The following USP30 variants were observed in gnomAD, a reference collection of about 807,000 sequenced individuals.
The protein encoded by USP30 is ubiquitin specific peptidase 30, also known as ubiquitin carboxyl-terminal hydrolase 30.
A neutral mutation model predicts 68.2 loss-of-function variants in USP30; 41 were observed. The ratio of observed to expected loss-of-function variants is 0.60; its 90% CI spans 0.47 to 0.78. USP30 has a LOEUF of 0.78. Ranked by LOEUF, USP30 falls within the 30% of genes least tolerant of loss-of-function variation. The probability of loss-of-function intolerance (pLI) is 0.00; values close to 1 mark genes in which losing one functional copy is unlikely to be tolerated. For synonymous variants in USP30, 229 were observed against 253.7 expected (o/e 0.90, Z 0.93); for missense variants, 522 against 649.4 (o/e 0.80, Z 2.13).
rs1284633681 is a variant in USP30 at position 109,056,809 on chromosome 12, G to A, written c.193+18G>A. ...TAGAAAAGGTAAGAATGAGAACACT[G>A]CATCATGGTCTGTAGACTTGACCCA... On this transcript the variant is annotated intron_variant, in intron 2 of 12. Transcript: ENST00000257548. The A allele has an allele frequency of 1.9e-6, 3 of 1,567,694 alleles. No individual in the cohort carries two copies. The highest frequency in any genetic ancestry group is 1.7e-5 in the Admixed American group (1 of 57,518).
chr12:109,055,398 A>ATTTTTTTTTT (rs1414168662), intron 1 of USP30, among the ~76,000 whole-genome samples: 2 of 30,356 alleles, frequency 6.6e-5, no homozygotes, highest in Non-Finnish European at 6.9e-5. Flanking sequence ...ATATATATAT[A>ATTTTTTTTTT]TATTTTTTTT....
At chr12:109,051,756 G>A (rs1254248705), upstream of USP30, among the ~76,000 whole-genome samples, 1 of 151,834 alleles carries the variant, frequency 6.6e-6, no homozygotes, top group Non-Finnish European at 1.5e-5. Context: ...TTTTAGTAGA[G>A]ATGGGGTTTC....
chr12:109,033,111 A>G (rs1281275533), intron 3 of USP30, among the ~76,000 whole-genome samples: 1 of 152,194 alleles, frequency 6.6e-6, no homozygotes, highest in Non-Finnish European at 1.5e-5. Context: ...AAGCCCATGG[A>G]CTTAAATTCA....
At chr12:109,055,400 A>ATTTT (rs869090869) in intron 1 of USP30, among the ~76,000 whole-genome samples, 68 of 24,462 alleles carry the variant, frequency 2.8e-3, no homozygotes, top group Non-Finnish European at 4.5e-3. Context: ...ATATATATAT[A>ATTTT]TTTTTTTTTT....
intron 1 of USP30, among the ~76,000 whole-genome samples, chr12:109,024,162 G>A (rs2040427600): frequency 6.6e-6 from 1 of 152,104 alleles, no homozygotes; most frequent in South Asian, 2.1e-4. Flanking sequence ...TACTTCATAG[G>A]GTGGTGGTCA....
At chr12:109,083,132 C>T (rs2135829299) in intron 11 of USP30, 70 bp downstream of exon 11, 6 of 1,455,218 alleles carry the variant, frequency 4.1e-6, no homozygotes, top group Non-Finnish European at 5.6e-6. Flanking sequence ...GCATCACCAC[C>T]TTCTGGGTCC....
intron 1 of USP30, among the ~76,000 whole-genome samples, chr12:109,024,495 C>A (rs1252753938): frequency 6.6e-6 from 1 of 151,896 alleles, no homozygotes; most frequent in Non-Finnish European, 1.5e-5. Flanking sequence ...TGAGCTCAAG[C>A]AATCAACCTG....
intron 3 of USP30, among the ~76,000 whole-genome samples, chr12:109,065,502 G>T (rs2041219274): frequency 6.6e-6 from 1 of 152,250 alleles, no homozygotes; most frequent in Admixed American, 6.5e-5. Context: ...CCAGGAAATG[G>T]TGATCAGTGC....
chr12:109,062,580 G>A (rs1008305052), intron 3 of USP30, among the ~76,000 whole-genome samples: 1 of 151,236 alleles, frequency 6.6e-6, no homozygotes, highest in Admixed American at 6.6e-5. Context: ...CGCCCGCCTT[G>A]GCCTCCCAAA....
At chr12:109,046,431 C>CAA (rs2040606300) in intron 3 of USP30, among the ~76,000 whole-genome samples, 2 of 135,366 alleles carry the variant, frequency 1.5e-5, no homozygotes, top group South Asian at 4.8e-4. Flanking sequence ...TTTTTTTTTT[C>CAA]TTCCTCTTCA....
At position 109,079,351 on chromosome 12, in the gene USP30, C is replaced by CTTT. The variant is rs71079521; in HGVS notation, c.721-1957_721-1955dup. Among the ~76,000 whole-genome samples, 15 of 48,796 alleles carry CTTT rather than the reference C, an allele frequency of 3.1e-4. 2 individuals carry two copies. The highest frequency in any genetic ancestry group is 1.0e-3 in the African/African-American group (12 of 11,838). The allele number at this position is 48,796 out of a possible 152,430, so 32.0% of individuals were successfully genotyped here. ...TTCTTTTCTTTTTCTTTTTTTTTTTCTTTTTTTTTTTTTTTTTTTTTTTTT... is the reference window on the plus strand; with the variant it reads ...TTCTTTTCTTTTTCTTTTTTTTTTTCTTTTTTTTTTTTTTTTTTTTTTTTTTTT... On this transcript the variant is annotated intron_variant, in intron 7 of 12. Transcript: ENST00000257548.
At chr12:109,082,463 C>A in intron 9 of USP30, 200 bp from the exon 10 acceptor site, 1 of 591,662 alleles carries the variant, frequency 1.7e-6, no homozygotes, top group Non-Finnish European at 3.0e-6. Flanking sequence ...TTCACATTCT[C>A]TTCCCTCCAC....
chr12:109,054,480 C>CA (rs1215658814), intron 1 of USP30, among the ~76,000 whole-genome samples: 1 of 151,282 alleles, frequency 6.6e-6, no homozygotes, highest in Non-Finnish European at 1.5e-5. Flanking sequence ...GAGATGGCAC[C>CA]ACTGCACTCC....
intron 3 of USP30, among the ~76,000 whole-genome samples, chr12:109,061,864 G>C (rs975461848): frequency 6.6e-6 from 1 of 152,082 alleles, no homozygotes; most frequent in African/African-American, 2.4e-5. Flanking sequence ...AATCCTTCCA[G>C]ACCCTTTTCT....
At position 109,084,981 on chromosome 12, in the gene USP30, A is replaced by G. The variant is rs2041905383; in HGVS notation, c.1197A>G (p.Thr399=). Residue 399 remains threonine (T), a synonymous_variant, in exon 12 of 13, where the codon ACA becomes ACG. Transcript: ENST00000257548. ...TGAATCAGCCAGGGGCCCCCAAAAC[A>G]CAGATTTTTATGAATGGCGCCTGCT... ...PVLNQPGAPK[T]QIFMNGACSP... 1 of 1,603,064 alleles carries G rather than the reference A, an allele frequency of 6.2e-7. No homozygotes were observed. Among genetic ancestry groups the G allele is most frequent in the East Asian group, 2.3e-5 (1 of 44,334 alleles).
In USP30 at chr12:109,078,867, C is replaced by T. The variant is rs146154108; in HGVS notation, c.721-2467C>T. ...TAGAACTTTGGGTTGACAGTGTTGC[C>T]GTGGTTTTGCTTTGGTTTATTTTAA... On this transcript the variant is annotated intron_variant, in intron 7 of 12. Coordinates refer to ENST00000257548, the MANE Select transcript of USP30 (RefSeq NM_032663.5). 3.3e-5 allele frequency among the ~76,000 whole-genome samples: 5 copies of T among 152,150 alleles called. No homozygotes were observed. In the East Asian group the frequency reaches 7.7e-4, roughly 24 times the overall value.
intron 3 of USP30, among the ~76,000 whole-genome samples, chr12:109,058,309 G>A (rs945396781): frequency 6.6e-6 from 1 of 152,298 alleles, no homozygotes; most frequent in African/African-American, 2.4e-5. Context: ...AGTGGCTCAT[G>A]CCTGTAATCC....
chr12:109,080,100 C>T (rs149937801), intron 7 of USP30, among the ~76,000 whole-genome samples: 494 of 152,266 alleles, frequency 3.2e-3, no homozygotes, highest in African/African-American at 0.012. Context: ...TTGCCAGGCT[C>T]CCTGGAGTTT....
At chr12:109,029,025 A>G (rs1439630204) in intron 3 of USP30, among the ~76,000 whole-genome samples, 1 of 152,150 alleles carries the variant, frequency 6.6e-6, no homozygotes, top group African/African-American at 2.4e-5. Context: ...TCCTTACCCA[A>G]TTACAGGGCA....
Sources: gnomAD v4.1 joint callset for allele counts (sites outside exome capture counted in the v4.1 genomes callset) on GRCh38, gnomAD v4.1.1 for gene constraint, MANE v1.5 for transcripts, NCBI Gene and HGNC (gene_info 2026-07-23, HGNC 2026-07-21) for gene names.